Variants in ACTN2 observed in about 807,000 individuals in gnomAD.
The protein encoded by ACTN2 is actinin alpha 2, also known as alpha-actinin-2.
Under a neutral mutation model 113.8 loss-of-function variants are expected in ACTN2, and 39 were observed. That is an observed-to-expected ratio of 0.34 (90% confidence interval 0.27 to 0.45). The LOEUF (loss-of-function observed/expected upper bound fraction) is 0.45. ACTN2 is among the 20% of genes least tolerant of loss of function. ACTN2 has a pLI of 1.00. For missense variants in ACTN2, 992 were observed against 1,177.9 expected (o/e 0.84, Z 2.31); for synonymous variants, 429 against 444.1 (o/e 0.97, Z 0.43).
chr1:236,733,498 A>G (rs1384137028), intron 7 of ACTN2, among the ~76,000 whole-genome samples: 1 of 152,146 alleles, frequency 6.6e-6, no homozygotes. Flanking sequence ...CTCATCTTCC[A>G]TACTTTTCTT....
chr1:236,738,255 C>T (rs571500353), intron 9 of ACTN2, among the ~76,000 whole-genome samples: 12 of 152,370 alleles, frequency 7.9e-5, no homozygotes, highest in African/African-American at 2.4e-4. Context: ...GTGATCCACC[C>T]GCCTTGGCCT....
chr1:236,688,922 AACAGATGCTG>A (rs767247027), intron 1 of ACTN2, among the ~76,000 whole-genome samples: 5 of 152,166 alleles, frequency 3.3e-5, no homozygotes, highest in Admixed American at 6.5e-5. Flanking sequence ...GAGATCTGTC[AACAGATGCTG>A]GTAGCACATG....
chr1:236,698,647 G>A (rs565444869), intron 1 of ACTN2, among the ~76,000 whole-genome samples: 34 of 152,272 alleles, frequency 2.2e-4, no homozygotes, highest in African/African-American at 7.9e-4. Flanking sequence ...TTGGAGCAGA[G>A]GATGTTGTAA....
chr1:236,752,556 A>T lies in ACTN2; in HGVS notation c.1839+904A>T, dbSNP rs540124224. On this transcript the variant is annotated intron_variant, in intron 15 of 20. Coordinates refer to ENST00000366578, the MANE Select transcript of ACTN2 (RefSeq NM_001103.4). ...TCATTTTTTATTTTTCGTTTTTATT[A>T]TGTTTATTTTTTTGAGACAGAGTCT... Among the ~76,000 whole-genome samples the T allele has an allele frequency of 5.3e-5, 8 of 151,792 alleles. 1 individual carries two copies. The South Asian group carries it at 1.5e-3, about 28-fold the overall frequency.
intron 4 of ACTN2, among the ~76,000 whole-genome samples, chr1:236,724,223 C>T (rs530932672): frequency 6.6e-5 from 10 of 152,244 alleles, no homozygotes; most frequent in African/African-American, 2.4e-4. Context: ...GAGCAGGCTC[C>T]CTGGTGTCTC....
At chr1:236,748,119 T>C (rs1020050127) in intron 13 of ACTN2, 13 of 328,188 alleles carry the variant, frequency 4.0e-5, no homozygotes, top group Non-Finnish European at 7.0e-5. Flanking sequence ...AAATCAGAGA[T>C]GTGCAAAGGG....
At chr1:236,716,304 C>T (rs1658210518) in intron 1 of ACTN2, among the ~76,000 whole-genome samples, 5 of 152,052 alleles carry the variant, frequency 3.3e-5, no homozygotes, top group Admixed American at 3.3e-4. Context: ...GTTTGTGTGT[C>T]CCCTACTCCC....
At chr1:236,738,549 C>T (rs3768126) in intron 9 of ACTN2, among the ~76,000 whole-genome samples, 66,307 of 152,132 alleles carry the variant, frequency 0.44, 17,630 homozygotes, top group Non-Finnish European at 0.59. Flanking sequence ...CCTTTTCTTA[C>T]TGGGTCCTTC....
At chr1:236,702,636 TG>T in intron 1 of ACTN2, among the ~76,000 whole-genome samples, 1 of 152,324 alleles carries the variant, frequency 6.6e-6, no homozygotes, top group South Asian at 2.1e-4. Context: ...GCAGGAGCCC[TG>T]GGGAAGAACT....
chr1:236,699,855 T>C (rs1657623090), intron 1 of ACTN2, among the ~76,000 whole-genome samples: 1 of 152,184 alleles, frequency 6.6e-6, no homozygotes, highest in Admixed American at 6.5e-5. Flanking sequence ...GCTTCATGAA[T>C]AGGTGATGAC....
chr1:236,751,310 G>A (rs3738545), intron 14 of ACTN2, among the ~76,000 whole-genome samples, 160 bp from the exon 15 acceptor site: 1 of 151,930 alleles, frequency 6.6e-6, no homozygotes, highest in South Asian at 2.1e-4. Flanking sequence ...CTTGACTTCT[G>A]TGTACCTAAA....
intron 1 of ACTN2, among the ~76,000 whole-genome samples, chr1:236,709,951 G>C (rs1290686491): frequency 6.6e-6 from 1 of 152,180 alleles, no homozygotes; most frequent in Non-Finnish European, 1.5e-5. Context: ...TAGATATGTT[G>C]CCAAATTTTT....
chr1:236,730,469 G>A (rs1228921502), intron 6 of ACTN2, among the ~76,000 whole-genome samples: 1 of 152,050 alleles, frequency 6.6e-6, no homozygotes, highest in Non-Finnish European at 1.5e-5. Flanking sequence ...ATTCGTTAAA[G>A]TCACATTTCA....
At chr1:236,727,168 C>T (rs1658576632) in intron 5 of ACTN2, among the ~76,000 whole-genome samples, 1 of 107,252 alleles carries the variant, frequency 9.3e-6, no homozygotes, top group African/African-American at 3.1e-5. Flanking sequence ...CATGCCTTTG[C>T]CTTAAAAAAA....
intron 1 of ACTN2, among the ~76,000 whole-genome samples, chr1:236,702,901 T>G (rs747656604): frequency 5.9e-5 from 9 of 152,220 alleles, no homozygotes; most frequent in Non-Finnish European, 8.8e-5. Flanking sequence ...TCTCTGTGTG[T>G]AGGCAGCCAT....
chr1:236,753,539 G>C (rs761633041), intron 15 of ACTN2, among the ~76,000 whole-genome samples: 1 of 152,092 alleles, frequency 6.6e-6, no homozygotes, highest in African/African-American at 2.4e-5. Flanking sequence ...ATTTTAATCC[G>C]AGATGGTGAA....
chr1:236,691,376 C>T (rs1666077073), intron 1 of ACTN2, among the ~76,000 whole-genome samples: 1 of 152,058 alleles, frequency 6.6e-6, no homozygotes, highest in Non-Finnish European at 1.5e-5. Flanking sequence ...GGTGCAGTGG[C>T]TCATGCCTGT....
chr1:236,731,343 A>C (rs776401740), intron 7 of ACTN2, 29 bp downstream of exon 7: 1 of 1,587,720 alleles, frequency 6.3e-7, no homozygotes, highest in Non-Finnish European at 8.7e-7. Context: ...TTGCTGAGTT[A>C]CAGGAAATTT....
At chr1:236,745,307 G>A (rs916481243) in intron 12 of ACTN2, among the ~76,000 whole-genome samples, 4 of 152,124 alleles carry the variant, frequency 2.6e-5, no homozygotes, top group Non-Finnish European at 5.9e-5. Flanking sequence ...GGTGGCGGGT[G>A]CCTGTAGTCC....
Sources: allele counts gnomAD v4.1 joint callset (sites outside exome capture counted in the v4.1 genomes callset), GRCh38; gene constraint gnomAD v4.1.1; transcripts MANE v1.5; gene names NCBI Gene and HGNC (gene_info 2026-07-23, HGNC 2026-07-21).